SLC17A1: variants seen among roughly 807,000 people sequenced by gnomAD.
SLC17A1 encodes the protein solute carrier family 17 member 1.
In SLC17A1, 51 loss-of-function variants were observed where a neutral mutation model predicts 53.5. The observed-to-expected ratio is 0.95, with a 90% CI of 0.76 to 1.20. The LOEUF is 1.20. Ranked by LOEUF, SLC17A1 falls within the 50% of genes most tolerant of loss-of-function variation. The pLI is 0.00. For missense variants in SLC17A1, 538 were observed against 568.2 expected, an observed-to-expected ratio of 0.95 and a Z score of 0.54; for synonymous variants, 179 against 198.8, an observed-to-expected ratio of 0.90 and a Z score of 0.84.
the SLC17A1 span, among the ~76,000 whole-genome samples, chr6:25,740,335 C>G: frequency 6.6e-6 from 1 of 152,004 alleles, no homozygotes; most frequent in Non-Finnish European, 1.5e-5. Flanking sequence ...AAAAACAAAC[C>G]AAACACCTGG....
chr6:25,726,820 T>C, the SLC17A1 span: 2 of 1,432,796 alleles, frequency 1.4e-6, no homozygotes, highest in Non-Finnish European at 1.9e-6. Context: ...CATTTGGAGC[T>C]GTTTAATACT....
the SLC17A1 span, among the ~76,000 whole-genome samples, chr6:25,775,755 GT>G: frequency 1.3e-5 from 2 of 152,052 alleles, no homozygotes; most frequent in African/African-American, 4.8e-5. Context: ...TTCTTTCTTT[GT>G]TTCTTTATGA....
intron 3 of SLC17A1, among the ~76,000 whole-genome samples, chr6:25,825,801 C>T (rs980241445): frequency 6.6e-6 from 1 of 152,052 alleles, no homozygotes; most frequent in African/African-American, 2.4e-5. Flanking sequence ...ATACTGTCTA[C>T]AATTTGGGAA....
chr6:25,736,387 C>T, the SLC17A1 span, among the ~76,000 whole-genome samples: 17 of 152,206 alleles, frequency 1.1e-4, no homozygotes, highest in African/African-American at 2.4e-4. Flanking sequence ...ACCATGGCCC[C>T]GTATCTCAGT....
At chr6:25,820,101 T>C (rs2151500629) in intron 3 of SLC17A1, among the ~76,000 whole-genome samples, 186 bp from the exon 4 acceptor site, 1 of 152,326 alleles carries the variant, frequency 6.6e-6, no homozygotes, top group African/African-American at 2.4e-5. Context: ...TTACATTTTA[T>C]CATTGGAGTA....
At chr6:25,809,483 C>CCACA (rs923285080) in intron 10 of SLC17A1, among the ~76,000 whole-genome samples, 8 of 151,326 alleles carry the variant, frequency 5.3e-5, no homozygotes, top group Non-Finnish European at 1.0e-4. Context: ...AGTGAACTAT[C>CCACA]CACACACACA....
Position 25,830,543 on chromosome 6 carries a change from G to A in SLC17A1, c.15C>T (p.Asn5=), listed in dbSNP as rs1259928557. 6.2e-7 allele frequency: 1 copy of A among 1,613,776 alleles called. No individual in the cohort carries two copies. The highest frequency in any genetic ancestry group is 2.2e-5 in the East Asian group (1 of 44,882). The change falls in exon 2 of 13, where the codon AAC becomes AAT. Residue 5 remains asparagine, a synonymous_variant. Transcript: ENST00000244527. The part of the protein sequence containing the change: MQMD[N]RLPPKKVPGF... ...TGCTACCTTTTTTGGGAGGCAACCGGTTATCCATTTGCATACACGGCTGAA... is the reference window on the plus strand; with the variant it reads ...TGCTACCTTTTTTGGGAGGCAACCGATTATCCATTTGCATACACGGCTGAA...
chr6:25,750,952 G>T, the SLC17A1 span, among the ~76,000 whole-genome samples: 2 of 152,116 alleles, frequency 1.3e-5, no homozygotes, highest in Non-Finnish European at 2.9e-5. Flanking sequence ...TATCCTAGGG[G>T]AATTACTCAT....
chr6:25,778,046 T>TCATGAATATTC, downstream of SLC17A1: 1 of 1,573,386 alleles, frequency 6.4e-7, no homozygotes, highest in Non-Finnish European at 8.7e-7. Flanking sequence ...TGAATATTCA[T>TCATGAATATTC]AAAAGAAACC....
At chr6:25,735,138 G>A in the SLC17A1 span, among the ~76,000 whole-genome samples, 1 of 152,170 alleles carries the variant, frequency 6.6e-6, no homozygotes, top group East Asian at 1.9e-4. Flanking sequence ...TGTATTATAT[G>A]ACAAGGGATT....
At chr6:25,761,212 C>G in the SLC17A1 span, among the ~76,000 whole-genome samples, 1 of 152,194 alleles carries the variant, frequency 6.6e-6, no homozygotes, top group South Asian at 2.1e-4. Flanking sequence ...ATTTTCAAAC[C>G]ATAACTCAGG....
the SLC17A1 span, among the ~76,000 whole-genome samples, chr6:25,767,497 A>T: frequency 6.6e-6 from 1 of 152,310 alleles, no homozygotes; most frequent in South Asian, 2.1e-4. Flanking sequence ...TTGCCCCAGA[A>T]TACACAGCTA....
chr6:25,762,626 T>C, the SLC17A1 span, among the ~76,000 whole-genome samples: 2 of 152,212 alleles, frequency 1.3e-5, no homozygotes, highest in African/African-American at 4.8e-5. Flanking sequence ...GATAATGACT[T>C]CAAAAGGCAA....
the SLC17A1 span, among the ~76,000 whole-genome samples, chr6:25,768,763 A>T: frequency 6.6e-6 from 1 of 152,144 alleles, no homozygotes; most frequent in Non-Finnish European, 1.5e-5. Flanking sequence ...TGTTCTGACC[A>T]ACTCCACACA....
chr6:25,733,802 G>A, the SLC17A1 span, among the ~76,000 whole-genome samples: 100 of 66,090 alleles, frequency 1.5e-3, 2 homozygotes, highest in East Asian at 0.027. Flanking sequence ...GTGTGTGTGT[G>A]TGTATGTGTG....
the SLC17A1 span, among the ~76,000 whole-genome samples, chr6:25,776,440 A>G: frequency 1.3e-5 from 2 of 152,002 alleles, no homozygotes; most frequent in Admixed American, 1.3e-4. Context: ...ATACATACTA[A>G]AAGTATATTG....
chr6:25,770,523 C>A, the SLC17A1 span: 1 of 1,532,236 alleles, frequency 6.5e-7, no homozygotes, highest in Non-Finnish European at 9.0e-7. Context: ...GAGAACTCAG[C>A]AAAGTCCTGC....
intron 6 of SLC17A1, among the ~76,000 whole-genome samples, chr6:25,814,427 G>A (rs921742193): frequency 5.3e-5 from 8 of 152,174 alleles, no homozygotes; most frequent in Admixed American, 4.6e-4. Context: ...AGCAAACTGA[G>A]ACTCAGAAAG....
the SLC17A1 span, chr6:25,777,880 A>G: frequency 6.6e-7 from 1 of 1,508,098 alleles, no homozygotes; most frequent in Non-Finnish European, 9.2e-7. Flanking sequence ...AGACTTTCAA[A>G]CGTAGGTATA....
Sources: allele counts gnomAD v4.1 joint callset (sites outside exome capture counted in the v4.1 genomes callset), GRCh38; gene constraint gnomAD v4.1.1; transcripts MANE v1.5; gene names NCBI Gene and HGNC (gene_info 2026-07-23, HGNC 2026-07-21).